Variants in TJP2 observed in about 807,000 individuals in gnomAD.
TJP2 encodes the protein tight junction protein 2, also known as Friedreich ataxia region gene X104 (tight junction protein ZO-2).
TJP2 carries 91 observed loss-of-function variants against 133.1 expected under a neutral mutation model. That is an observed-to-expected ratio of 0.68 (90% CI 0.58 to 0.81). The LOEUF (loss-of-function observed/expected upper bound fraction) is 0.81, where lower values mean the gene tolerates loss of function less well. Ranked by LOEUF, TJP2 falls within the 40% of genes least tolerant of loss-of-function variation. The pLI, the probability that TJP2 is intolerant of heterozygous loss-of-function variation, is 0.00. For synonymous variants in TJP2, 592 were observed against 583.4 expected (o/e 1.01, Z -0.21); for missense variants, 1,541 against 1,565.6 (o/e 0.98, Z 0.26).
At chr9:69,179,730 A>ACCTCGTGATCCACCCG (rs1329161881) in intron 1 of TJP2, among the ~76,000 whole-genome samples, 2 of 151,784 alleles carry the variant, frequency 1.3e-5, no homozygotes, top group African/African-American at 4.8e-5. Flanking sequence ...TGATCTCCTG[A>ACCTCGTGATCCACCCG]CCTCGTGATC....
chr9:69,176,632 T>C (rs772366004), intron 1 of TJP2, among the ~76,000 whole-genome samples: 2 of 152,184 alleles, frequency 1.3e-5, no homozygotes, highest in South Asian at 2.1e-4. Context: ...TTAAGACCAA[T>C]GAATTTTTAC....
intron 5 of TJP2, among the ~76,000 whole-genome samples, chr9:69,222,538 G>C (rs1425934332): frequency 6.6e-6 from 1 of 152,122 alleles, no homozygotes; most frequent in African/African-American, 2.4e-5. Context: ...CAATTCGTTC[G>C]TTTAATCCTC....
In TJP2 at chr9:69,216,469, TG is replaced by T. The variant is rs1487399982; in HGVS notation, c.239+7del. ...CCTGCTGATGGGCTGCTCCAGTGAGTGTCCTCCCTCGCTCCGCAGCCCCTAC... is the reference window on the plus strand; with the variant it reads ...CCTGCTGATGGGCTGCTCCAGTGAGTTCCTCCCTCGCTCCGCAGCCCCTAC... On this transcript the variant is annotated splice_region_variant and intron_variant, in intron 3 of 22. Transcript: ENST00000377245. 3 of 1,613,830 alleles carry T rather than the reference TG, an allele frequency of 1.9e-6. No homozygotes were observed. The highest frequency in any genetic ancestry group is 1.7e-5 in the Admixed American group (1 of 59,984).
At chr9:69,141,398 T>C (rs1025275838) in intron 1 of TJP2, among the ~76,000 whole-genome samples, 7 of 151,902 alleles carry the variant, frequency 4.6e-5, no homozygotes, top group Non-Finnish European at 8.8e-5. Context: ...TTTCCTTTCT[T>C]TGTGGTGTTT....
At chr9:69,194,398 G>A (rs1826407627) in intron 1 of TJP2, among the ~76,000 whole-genome samples, 1 of 151,940 alleles carries the variant, frequency 6.6e-6, no homozygotes, top group Non-Finnish European at 1.5e-5. Context: ...ATATGGAGGG[G>A]GAGCTATATG....
intron 1 of TJP2, among the ~76,000 whole-genome samples, chr9:69,132,008 A>G (rs540495882): frequency 6.6e-6 from 1 of 152,232 alleles, no homozygotes; most frequent in African/African-American, 2.4e-5. Flanking sequence ...AGCGAAGTCC[A>G]AGGCAAGCAG....
intron 1 of TJP2, among the ~76,000 whole-genome samples, chr9:69,138,899 A>G (rs779315707): frequency 1.8e-4 from 27 of 151,750 alleles, no homozygotes; most frequent in Admixed American, 2.6e-4. Flanking sequence ...CCTGGGTGAC[A>G]CAGTGAGATT....
chr9:69,152,196 G>T (rs1823506687), intron 2 of TJP2, among the ~76,000 whole-genome samples: 1 of 152,146 alleles, frequency 6.6e-6, no homozygotes, highest in African/African-American at 2.4e-5. Context: ...AAAGATAAAG[G>T]ACATCAGTCA....
At position 69,186,487 on chromosome 9, in the gene TJP2, A is replaced by G. The variant is rs143187041; in HGVS notation, c.60+12055A>G. ...CTTAGTAAATGAATGTGCTAGAAAT[A>G]TATTGACAGAATTTGGTTTTATCTC... On this transcript the variant is annotated intron_variant, in intron 1 of 22. Coordinates refer to ENST00000377245, the MANE Select transcript of TJP2 (RefSeq NM_004817.4). Among the ~76,000 whole-genome samples the G allele has an allele frequency of 3.7e-3, 557 of 152,348 alleles. 2 individuals are homozygous for G. Among genetic ancestry groups the G allele is most frequent in the Non-Finnish European group, 6.2e-3 (424 of 68,026 alleles).
chr9:69,245,361 A>G (rs1349471881), intron 17 of TJP2, among the ~76,000 whole-genome samples: 1 of 152,238 alleles, frequency 6.6e-6, no homozygotes, highest in Non-Finnish European at 1.5e-5. Context: ...ATAGTACAAT[A>G]AGAGGCCATG....
intron 1 of TJP2, among the ~76,000 whole-genome samples, chr9:69,137,293 TTC>T (rs1822807289): frequency 2.0e-5 from 1 of 50,132 alleles, no homozygotes; most frequent in Non-Finnish European, 4.5e-5. Context: ...CTTTCTTTCT[TTC>T]TTTCTTTTCT....
chr9:69,202,825 A>G (rs1827094101), intron 1 of TJP2, among the ~76,000 whole-genome samples: 1 of 152,138 alleles, frequency 6.6e-6, no homozygotes, highest in Non-Finnish European at 1.5e-5. Flanking sequence ...ATTGAAAAAA[A>G]CCCATGGATA....
chr9:69,138,271 G>A (rs183420470), intron 1 of TJP2, among the ~76,000 whole-genome samples: 1 of 152,080 alleles, frequency 6.6e-6, no homozygotes, highest in Non-Finnish European at 1.5e-5. Context: ...GATGGATTTG[G>A]CTTCTGCTGC....
chr9:69,239,586 G>A (rs141129647), intron 16 of TJP2, among the ~76,000 whole-genome samples: 9,743 of 152,116 alleles, frequency 0.064, 417 homozygotes, highest in African/African-American at 0.11. Flanking sequence ...AGAGGCGGGC[G>A]GATCACCTGA....
At chr9:69,146,598 A>G (rs917659007) in intron 1 of TJP2, among the ~76,000 whole-genome samples, 2 of 152,236 alleles carry the variant, frequency 1.3e-5, no homozygotes, top group Non-Finnish European at 2.9e-5. Flanking sequence ...AAATACAGAA[A>G]AATAAGGGGG....
At chr9:69,139,798 C>G (rs773967200) in intron 1 of TJP2, among the ~76,000 whole-genome samples, 32 of 152,266 alleles carry the variant, frequency 2.1e-4, no homozygotes, top group Admixed American at 3.9e-4. Flanking sequence ...CGAACTCGGC[C>G]GTGTCTTCTA....
At chr9:69,185,617 C>A (rs1340023053) in intron 1 of TJP2, among the ~76,000 whole-genome samples, 1 of 152,068 alleles carries the variant, frequency 6.6e-6, no homozygotes, top group East Asian at 1.9e-4. Flanking sequence ...TTTTATGGAA[C>A]CTAATGAGTG....
intron 12 of TJP2, among the ~76,000 whole-genome samples, chr9:69,235,219 C>T (rs1830088658): frequency 6.6e-6 from 1 of 152,132 alleles, no homozygotes; most frequent in African/African-American, 2.4e-5. Flanking sequence ...GGTGTAGTTC[C>T]AGTACCAAGT....
chr9:69,236,151 A>C lies in TJP2; in HGVS notation c.1904A>C (p.Asp635Ala). The C allele has an allele frequency of 1.2e-6, 2 of 1,614,210 alleles. No individual in the cohort carries two copies. The highest frequency in any genetic ancestry group is 1.7e-6 in the Non-Finnish European group (2 of 1,180,036). ...FTRGEVFRVV[D>A]TLYDGKLGNW... Reference sequence around the variant, plus strand: ...AGAGGGGAGGTCTTCCGAGTGGTAGACACACTGTATGACGGCAAGCTGGGC... The same window carrying C: ...AGAGGGGAGGTCTTCCGAGTGGTAGCCACACTGTATGACGGCAAGCTGGGC... The change falls in exon 13 of 23, where the codon GAC becomes GCC. Residue 635 changes from aspartate to alanine, a missense_variant. Physicochemically the swap from Asp to Ala is moderately radical, Grantham distance 126. Transcript: ENST00000377245.
Sources: gnomAD v4.1 joint callset for allele counts (sites outside exome capture counted in the v4.1 genomes callset) on GRCh38, gnomAD v4.1.1 for gene constraint, MANE v1.5 for transcripts, NCBI Gene and HGNC (gene_info 2026-07-23, HGNC 2026-07-21) for gene names.